The following BTRC variants were observed in gnomAD, a reference collection of about 807,000 sequenced individuals.
BTRC encodes the protein beta-transducin repeat containing E3 ubiquitin protein ligase, also known as F-box/WD repeat-containing protein 1A.
BTRC carries 42 observed loss-of-function variants against 85.5 expected under a neutral mutation model. The observed-to-expected ratio is 0.49, with a 90% CI of 0.38 to 0.64. BTRC has a LOEUF of 0.64. Among genes scored for constraint, BTRC ranks in the 30% least tolerant of loss-of-function variants. The pLI is 0.00. For missense variants in BTRC, 594 were observed against 743.5 expected (o/e 0.80, Z 2.34); for synonymous variants, 255 against 263.3 (o/e 0.97, Z 0.30).
intron 4 of BTRC, among the ~76,000 whole-genome samples, chr10:101,518,149 T>C (rs946094689): frequency 6.6e-6 from 1 of 152,032 alleles, no homozygotes; most frequent in African/African-American, 2.4e-5. Flanking sequence ...CCTGACCTCG[T>C]GATCCGCCCG....
At chr10:101,511,408 T>C (rs1404360097) in intron 4 of BTRC, among the ~76,000 whole-genome samples, 1 of 152,200 alleles carries the variant, frequency 6.6e-6, no homozygotes, top group African/African-American at 2.4e-5. Flanking sequence ...TCTTTACTTC[T>C]TTTCTTTTTC....
chr10:101,492,632 T>C (rs9420829), intron 4 of BTRC, among the ~76,000 whole-genome samples: 56,289 of 152,072 alleles, frequency 0.37, 11,595 homozygotes, highest in Middle Eastern at 0.49. Context: ...TTTTGGACTT[T>C]AAAATTGATA....
intron 1 of BTRC, among the ~76,000 whole-genome samples, chr10:101,362,587 GTT>G (rs1385584115): frequency 6.6e-6 from 1 of 151,582 alleles, no homozygotes; most frequent in East Asian, 2.0e-4. Flanking sequence ...TAGAGACGGA[GTT>G]TTTCCATGTT....
At chr10:101,478,887 C>T (rs1452223230) in intron 3 of BTRC, among the ~76,000 whole-genome samples, 2 of 149,356 alleles carry the variant, frequency 1.3e-5, no homozygotes, top group Non-Finnish European at 1.5e-5. Context: ...TGCAGTGAGC[C>T]GAGATCACGC....
chr10:101,545,542 C>T (rs1344537079), intron 13 of BTRC, among the ~76,000 whole-genome samples: 1 of 152,098 alleles, frequency 6.6e-6, no homozygotes, highest in African/African-American at 2.4e-5. Flanking sequence ...TTGGAGTAGG[C>T]CCTAATCCAA....
chr10:101,391,007 T>C (rs1016431098), intron 1 of BTRC, among the ~76,000 whole-genome samples: 4 of 152,222 alleles, frequency 2.6e-5, no homozygotes, highest in African/African-American at 9.6e-5. Flanking sequence ...ATTTTACTCT[T>C]GATAATTAAA....
intron 1 of BTRC, chr10:101,354,522 G>A: frequency 4.4e-6 from 2 of 451,600 alleles, no homozygotes; most frequent in East Asian, 4.0e-5. Context: ...GGAAAGGGGC[G>A]TGGGGACTGT....
intron 3 of BTRC, among the ~76,000 whole-genome samples, chr10:101,470,159 C>A (rs1945481874): frequency 5.9e-5 from 9 of 151,896 alleles, no homozygotes; most frequent in Admixed American, 5.9e-4. Flanking sequence ...CATTGTTTGC[C>A]TTTTTATTAT....
intron 1 of BTRC, among the ~76,000 whole-genome samples, chr10:101,362,207 T>G (rs530649723): frequency 7.9e-4 from 121 of 152,252 alleles, no homozygotes; most frequent in Non-Finnish European, 1.3e-3. Flanking sequence ...TTCGCCCGCC[T>G]TGGCCTCCCA....
intron 4 of BTRC, among the ~76,000 whole-genome samples, chr10:101,490,973 C>T (rs539920880): frequency 1.3e-5 from 2 of 151,902 alleles, no homozygotes; most frequent in South Asian, 4.2e-4. Flanking sequence ...TGGGGAGACT[C>T]ACTTGAACCT....
At chr10:101,501,227 A>T (rs1450897783) in intron 4 of BTRC, among the ~76,000 whole-genome samples, 1 of 152,046 alleles carries the variant, frequency 6.6e-6, no homozygotes, top group Non-Finnish European at 1.5e-5. Flanking sequence ...CGCCAATATG[A>T]TGGGTTTTAA....
At chr10:101,501,254 A>G (rs1449874985) in intron 4 of BTRC, among the ~76,000 whole-genome samples, 1 of 152,198 alleles carries the variant, frequency 6.6e-6, no homozygotes, top group Non-Finnish European at 1.5e-5. Context: ...ACATGTGAAG[A>G]ATGAATCTCT....
chr10:101,395,496 A>G (rs1943341487), intron 1 of BTRC, among the ~76,000 whole-genome samples: 3 of 152,150 alleles, frequency 2.0e-5, no homozygotes, highest in Non-Finnish European at 4.4e-5. Context: ...ACCTTGATCC[A>G]GTAATTAATT....
upstream of BTRC, chr10:101,354,133 C>A: frequency 1.3e-6 from 2 of 1,546,746 alleles, no homozygotes; most frequent in Non-Finnish European, 1.7e-6. Context: ...CGGCCTGGCA[C>A]CAAAGGGGCG....
chr10:101,550,828 C>T lies in BTRC; in HGVS notation c.1786C>T (p.Pro596Ser). 1 of 1,614,022 alleles carries T rather than the reference C, an allele frequency of 6.2e-7. No individual in the cohort carries two copies. The change falls in exon 14 of 15, where the codon CCT (proline) becomes TCT (serine). Residue 596 changes from proline (P) to serine (S), a missense_variant. Coordinates refer to ENST00000370187, the MANE Select transcript of BTRC (RefSeq NM_033637.4). The part of the protein sequence containing the change: ...PAAQAEPPRS[P>S]SRTYTYISR ...TGCCCAAGCTGAACCCCCCCGTTCC[C>T]CTTCTCGAACATACACCTACATCTC...
intron 3 of BTRC, among the ~76,000 whole-genome samples, chr10:101,471,036 C>T (rs990191411): frequency 4.6e-5 from 7 of 152,084 alleles, no homozygotes; most frequent in Non-Finnish European, 1.0e-4. Flanking sequence ...GTAGACAAGG[C>T]GGACAAGAAA....
intron 3 of BTRC, among the ~76,000 whole-genome samples, chr10:101,472,361 T>A (rs1945555440): frequency 6.9e-6 from 1 of 145,744 alleles, no homozygotes; most frequent in African/African-American, 2.5e-5. Context: ...AGAGATGGGG[T>A]CTCTCCCTAT....
At chr10:101,378,768 G>A (rs1011627965) in intron 1 of BTRC, among the ~76,000 whole-genome samples, 4 of 144,788 alleles carry the variant, frequency 2.8e-5, no homozygotes, top group African/African-American at 4.9e-5. Flanking sequence ...CAAGTGATCC[G>A]CCCACTTCGG....
intron 1 of BTRC, among the ~76,000 whole-genome samples, chr10:101,370,594 C>A (rs1463312095): frequency 6.6e-6 from 1 of 152,078 alleles, no homozygotes; most frequent in Non-Finnish European, 1.5e-5. Flanking sequence ...ATCCCAAGAT[C>A]ATACAGATCC....
Sources: allele counts gnomAD v4.1 joint callset (sites outside exome capture counted in the v4.1 genomes callset), GRCh38; gene constraint gnomAD v4.1.1; transcripts MANE v1.5; gene names NCBI Gene and HGNC (gene_info 2026-07-23, HGNC 2026-07-21).